NRXN3: variants seen among roughly 807,000 people sequenced by gnomAD.
NRXN3 encodes neurexin III.
NRXN3 carries 32 observed loss-of-function variants against 137.6 expected under a neutral mutation model. The observed-to-expected ratio is 0.23, with a 90% CI of 0.18 to 0.31. The LOEUF (loss-of-function observed/expected upper bound fraction) is 0.31, where lower values mean the gene tolerates loss of function less well. Among genes scored for constraint, NRXN3 ranks in the 10% least tolerant of loss-of-function variants. NRXN3 has a pLI of 1.00. For synonymous variants in NRXN3, 798 were observed against 784.5 expected, an observed-to-expected ratio of 1.02 and a Z score of -0.29; for missense variants, 1,574 against 2,062.5, an observed-to-expected ratio of 0.76 and a Z score of 4.59.
chr14:78,885,438 A>G (rs564851365), intron 10 of NRXN3, among the ~76,000 whole-genome samples: 151 of 152,160 alleles, frequency 9.9e-4, no homozygotes, highest in Admixed American at 2.6e-3. Flanking sequence ...AGGTGTTTTG[A>G]AGTGATTTTA....
chr14:78,631,446 G>A (rs2097522331), intron 4 of NRXN3, among the ~76,000 whole-genome samples: 1 of 152,112 alleles, frequency 6.6e-6, no homozygotes, highest in Non-Finnish European at 1.5e-5. Context: ...ATCATTCACA[G>A]TTTTGTCATA....
intron 15 of NRXN3, among the ~76,000 whole-genome samples, chr14:79,313,832 T>G (rs1000464075): frequency 9.3e-6 from 1 of 107,324 alleles, no homozygotes; most frequent in African/African-American, 3.8e-5. Context: ...TAGTTATACA[T>G]TCTTCTAAAT....
intron 16 of NRXN3, among the ~76,000 whole-genome samples, chr14:79,497,293 C>T (rs568203305): frequency 6.6e-6 from 1 of 152,254 alleles, no homozygotes; most frequent in African/African-American, 2.4e-5. Flanking sequence ...CCCCATGAAC[C>T]ATTCTGGCCT....
intron 4 of NRXN3, among the ~76,000 whole-genome samples, chr14:78,634,000 GC>G (rs1253456927): frequency 1.3e-5 from 2 of 152,152 alleles, no homozygotes; most frequent in Non-Finnish European, 2.9e-5. Context: ...ACAGATTCAG[GC>G]TTCTCAATGG....
rs1342127916 is a variant in NRXN3 at position 79,867,203 on chromosome 14, T to G, written c.*5239T>G. On this transcript the variant is annotated 3_prime_UTR_variant, in exon 21 of 21. Coordinates refer to ENST00000335750, the MANE Select transcript of NRXN3 (RefSeq NM_001330195.2). ...CAAATTTAGAGCTCTTTCATAAACC[T>G]GTCTCTAGAGAAGCAAGTCATTTTC... 2.0e-5 allele frequency: 3 copies of G among 152,184 alleles called. No homozygotes were observed. Among genetic ancestry groups the G allele is most frequent in the Non-Finnish European group, 4.4e-5 (3 of 68,038 alleles). 9.4% of individuals were successfully genotyped at this position (152,184 alleles called of 1,614,324 possible).
intron 2 of NRXN3, among the ~76,000 whole-genome samples, chr14:78,262,410 C>A (rs1356125332): frequency 6.6e-6 from 1 of 152,016 alleles, no homozygotes; most frequent in Non-Finnish European, 1.5e-5. Flanking sequence ...GGTAAGGATT[C>A]AGGGGTAGAA....
intron 19 of NRXN3, among the ~76,000 whole-genome samples, chr14:79,714,783 A>G (rs934787671): frequency 2.0e-5 from 3 of 152,174 alleles, no homozygotes; most frequent in Middle Eastern, 3.4e-3. Flanking sequence ...CTGATTAGGC[A>G]TTTTTGTAAG....
Position 79,119,304 on chromosome 14 carries a change from C to T in NRXN3, c.3262+131163C>T, listed in dbSNP as rs543881506. Reference sequence around the variant, plus strand: ...CAATGAATCTATTAAATAGTTGTTGCTTCTCTAATATGAATCAAATCTAAG... The same window carrying T: ...CAATGAATCTATTAAATAGTTGTTGTTTCTCTAATATGAATCAAATCTAAG... On this transcript the variant is annotated intron_variant, in intron 15 of 20. Coordinates refer to ENST00000335750, the MANE Select transcript of NRXN3 (RefSeq NM_001330195.2). 3.3e-5 allele frequency among the ~76,000 whole-genome samples: 5 copies of T among 152,062 alleles called. No homozygotes were observed. The South Asian group carries it at 1.0e-3, about 32-fold the overall frequency.
intron 15 of NRXN3, among the ~76,000 whole-genome samples, chr14:79,085,674 G>A (rs771219940): frequency 2.6e-5 from 4 of 152,054 alleles, no homozygotes; most frequent in Non-Finnish European, 4.4e-5. Context: ...CAAGGGAAAG[G>A]AAGCACAAAA....
chr14:79,247,961 T>C (rs1333997213), intron 15 of NRXN3, among the ~76,000 whole-genome samples: 1 of 152,140 alleles, frequency 6.6e-6, no homozygotes, highest in African/African-American at 2.4e-5. Flanking sequence ...TCATAGCTTG[T>C]GATGTTTACA....
chr14:79,542,266 C>T (rs1036964236), intron 16 of NRXN3, among the ~76,000 whole-genome samples: 2 of 152,136 alleles, frequency 1.3e-5, no homozygotes, highest in African/African-American at 4.8e-5. Context: ...TCACAGGCTG[C>T]TCTTTTGTTT....
At chr14:78,200,456 G>C (rs554321611) in intron 1 of NRXN3, among the ~76,000 whole-genome samples, 1 of 152,278 alleles carries the variant, frequency 6.6e-6, no homozygotes, top group South Asian at 2.1e-4. Context: ...GAACTTGTGT[G>C]AAATGCACAT....
intron 10 of NRXN3, among the ~76,000 whole-genome samples, chr14:78,936,885 G>A (rs1170633330): frequency 6.6e-6 from 1 of 152,012 alleles, no homozygotes; most frequent in Admixed American, 6.6e-5. Flanking sequence ...CAAAGATGTA[G>A]GATGGCTGGA....
At chr14:78,720,552 G>A (rs1040518980) in intron 8 of NRXN3, among the ~76,000 whole-genome samples, 11 of 151,984 alleles carry the variant, frequency 7.2e-5, no homozygotes, top group Non-Finnish European at 8.8e-5. Flanking sequence ...CTGTCCTTGG[G>A]CATTTTCTTT....
At chr14:79,429,186 A>G (rs547347073) in intron 15 of NRXN3, among the ~76,000 whole-genome samples, 3 of 152,280 alleles carry the variant, frequency 2.0e-5, no homozygotes, top group South Asian at 4.1e-4. Flanking sequence ...CTTCTTGTAT[A>G]TGTAAGATGC....
At chr14:79,473,880 A>T (rs1185608563) in intron 16 of NRXN3, among the ~76,000 whole-genome samples, 1 of 152,198 alleles carries the variant, frequency 6.6e-6, no homozygotes, top group Non-Finnish European at 1.5e-5. Flanking sequence ...ATCCCAGCAG[A>T]GTCGGAGAAG....
intron 5 of NRXN3, among the ~76,000 whole-genome samples, chr14:78,649,629 A>G (rs1007335915): frequency 6.7e-6 from 1 of 150,060 alleles, no homozygotes; most frequent in Non-Finnish European, 1.5e-5. Flanking sequence ...TTATTTTACA[A>G]CTTCCAAGTT....
At chr14:78,845,930 G>A (rs777212009) in intron 10 of NRXN3, among the ~76,000 whole-genome samples, 4 of 151,620 alleles carry the variant, frequency 2.6e-5, no homozygotes, top group Non-Finnish European at 5.9e-5. Flanking sequence ...GTGTGTGTGT[G>A]TGTGTGTATG....
At chr14:78,789,250 C>T (rs1226864507) in intron 8 of NRXN3, among the ~76,000 whole-genome samples, 2 of 152,148 alleles carry the variant, frequency 1.3e-5, no homozygotes, top group Non-Finnish European at 2.9e-5. Flanking sequence ...TCTAAACTTC[C>T]TAACTGTGCT....
Sources: gnomAD v4.1 joint callset for allele counts (sites outside exome capture counted in the v4.1 genomes callset) on GRCh38, gnomAD v4.1.1 for gene constraint, MANE v1.5 for transcripts, NCBI Gene and HGNC (gene_info 2026-07-23, HGNC 2026-07-21) for gene names.